The following SPIDR variants were observed in gnomAD, a reference collection of about 807,000 sequenced individuals.
SPIDR encodes the protein scaffold protein involved in DNA repair, also known as DNA repair-scaffolding protein.
A neutral mutation model predicts 104.6 loss-of-function variants in SPIDR; 93 were observed. The ratio of observed to expected loss-of-function variants is 0.89; its 90% CI spans 0.75 to 1.06. SPIDR has a LOEUF of 1.06. Ranked by LOEUF, SPIDR falls within the 50% of genes least tolerant of loss-of-function variation. The probability of loss-of-function intolerance (pLI) is 0.00; values close to 1 mark genes in which losing one functional copy is unlikely to be tolerated. For synonymous variants in SPIDR, 431 were observed against 416.9 expected (o/e 1.03, Z -0.41); for missense variants, 1,154 against 1,111.2 (o/e 1.04, Z -0.55).
At chr8:47,291,406 A>C (rs1449192016) in intron 4 of SPIDR, among the ~76,000 whole-genome samples, 1 of 152,248 alleles carries the variant, frequency 6.6e-6, no homozygotes, top group South Asian at 2.1e-4. Flanking sequence ...GCAGGTGTAC[A>C]GTAAAATGGT....
intron 8 of SPIDR, among the ~76,000 whole-genome samples, chr8:47,543,469 A>G (rs1469205450): frequency 6.6e-6 from 1 of 152,218 alleles, no homozygotes; most frequent in Non-Finnish European, 1.5e-5. Context: ...ATTTCTCATA[A>G]AGGGTGGCAC....
At chr8:47,536,423 A>C (rs1044211624) in intron 8 of SPIDR, among the ~76,000 whole-genome samples, 1 of 152,226 alleles carries the variant, frequency 6.6e-6, no homozygotes, top group African/African-American at 2.4e-5. Context: ...CAGGAAAAAG[A>C]ATAGCCAAAT....
chr8:47,518,615 T>C (rs2083508526), intron 8 of SPIDR, among the ~76,000 whole-genome samples: 1 of 151,854 alleles, frequency 6.6e-6, no homozygotes, highest in Non-Finnish European at 1.5e-5. Context: ...GGCATGTTGT[T>C]ATATCACTGA....
intron 10 of SPIDR, among the ~76,000 whole-genome samples, chr8:47,617,051 T>C (rs986776003): frequency 5.3e-5 from 8 of 152,140 alleles, no homozygotes; most frequent in Non-Finnish European, 8.8e-5. Context: ...TTATATATAT[T>C]TAGACAGGTA....
intron 7 of SPIDR, among the ~76,000 whole-genome samples, chr8:47,422,104 C>T (rs1554681198): frequency 1.3e-5 from 2 of 152,310 alleles, no homozygotes; most frequent in South Asian, 2.1e-4. Context: ...TCTCCAGCTG[C>T]GTGCTGGGAG....
chr8:47,564,713 T>G (rs979566502), intron 8 of SPIDR, among the ~76,000 whole-genome samples: 2 of 151,788 alleles, frequency 1.3e-5, no homozygotes, highest in African/African-American at 4.8e-5. Flanking sequence ...AATTCAGTAG[T>G]TAAGGAAATT....
intron 5 of SPIDR, among the ~76,000 whole-genome samples, chr8:47,349,778 G>A (rs1170287208): frequency 1.3e-5 from 2 of 152,236 alleles, no homozygotes; most frequent in African/African-American, 2.4e-5. Flanking sequence ...CACTGAGCCC[G>A]GCGCGGGATG....
rs2062651215 is a variant in SPIDR at position 47,405,691 on chromosome 8, G to A, written c.777-2170G>A. Among the ~76,000 whole-genome samples the A allele has an allele frequency of 3.9e-5, 6 of 152,190 alleles. No homozygotes were observed. The South Asian group carries it at 1.2e-3, about 32-fold the overall frequency. ...GAATTCATCATATTTTTATTCCATC[G>A]GAGTTTGGCCTTTATAAATAACTTA... On this transcript the variant is annotated intron_variant, in intron 6 of 19. Transcript: ENST00000297423.
chr8:47,660,634 C>CACA, intron 10 of SPIDR: 1 of 475,304 alleles, frequency 2.1e-6, no homozygotes, highest in Non-Finnish European at 2.7e-6. Flanking sequence ...ACATGGTATT[C>CACA]TAATGGTTAT....
intron 10 of SPIDR, among the ~76,000 whole-genome samples, chr8:47,619,324 C>A (rs1415870968): frequency 6.6e-6 from 1 of 152,164 alleles, no homozygotes; most frequent in Non-Finnish European, 1.5e-5. Context: ...TTAACAGAAT[C>A]ATGGAATCTT....
At chr8:47,491,135 A>G (rs2078638734) in intron 8 of SPIDR, among the ~76,000 whole-genome samples, 2 of 152,230 alleles carry the variant, frequency 1.3e-5, no homozygotes, top group Non-Finnish European at 2.9e-5. Context: ...AAATAAATCA[A>G]CATGAATACA....
intron 5 of SPIDR, among the ~76,000 whole-genome samples, chr8:47,395,199 A>G (rs1554657567): frequency 6.6e-6 from 1 of 152,090 alleles, no homozygotes; most frequent in Non-Finnish European, 1.5e-5. Context: ...ATGTACAAAA[A>G]TTAGCTGGGC....
chr8:47,489,246 T>C (rs2078243969), intron 8 of SPIDR, among the ~76,000 whole-genome samples: 1 of 152,172 alleles, frequency 6.6e-6, no homozygotes. Flanking sequence ...TGAACTCCCA[T>C]TCACAGTTGC....
At chr8:47,319,356 ATG>A (rs1563597289) in intron 5 of SPIDR, among the ~76,000 whole-genome samples, 1 of 152,234 alleles carries the variant, frequency 6.6e-6, no homozygotes, top group African/African-American at 2.4e-5. Context: ...GCAGGCCATT[ATG>A]TAATGGTAAA....
intron 10 of SPIDR, among the ~76,000 whole-genome samples, chr8:47,619,253 G>A (rs1023266407): frequency 3.9e-5 from 6 of 152,158 alleles, no homozygotes; most frequent in African/African-American, 1.4e-4. Flanking sequence ...TTAGGTGGTA[G>A]GATTATTCAG....
At chr8:47,434,813 A>G (rs528912894) in intron 7 of SPIDR, among the ~76,000 whole-genome samples, 11 of 152,324 alleles carry the variant, frequency 7.2e-5, no homozygotes, top group African/African-American at 2.4e-4. Context: ...TATTAATTCA[A>G]TATAACCTAC....
At chr8:47,314,350 A>T (rs587651490) in intron 5 of SPIDR, among the ~76,000 whole-genome samples, 1 of 152,224 alleles carries the variant, frequency 6.6e-6, no homozygotes, top group Non-Finnish European at 1.5e-5. Flanking sequence ...AGGAAGGAAC[A>T]GCAGAATATA....
At chr8:47,433,580 C>T (rs1422221129) in intron 7 of SPIDR, among the ~76,000 whole-genome samples, 1 of 152,170 alleles carries the variant, frequency 6.6e-6, no homozygotes, top group African/African-American at 2.4e-5. Flanking sequence ...GCTGGGGCCG[C>T]CAGAATGATA....
At chr8:47,592,095 A>T (rs932935740) in intron 8 of SPIDR, 1 of 1,275,204 alleles carries the variant, frequency 7.8e-7, no homozygotes, top group Non-Finnish European at 1.1e-6. Flanking sequence ...AAAAGGAGGA[A>T]GTCTTGGCAG....
Sources: allele counts gnomAD v4.1 joint callset (sites outside exome capture counted in the v4.1 genomes callset), GRCh38; gene constraint gnomAD v4.1.1; transcripts MANE v1.5; gene names NCBI Gene and HGNC (gene_info 2026-07-23, HGNC 2026-07-21).